The following PSMB7 variants were observed in gnomAD, a reference collection of about 807,000 sequenced individuals.
PSMB7 encodes the protein proteasome subunit beta type-7.
PSMB7 carries 5 observed loss-of-function variants against 28.1 expected under a neutral mutation model. The ratio of observed to expected loss-of-function variants is 0.18; its 90% CI spans 0.09 to 0.37. The LOEUF is 0.37. Ranked by LOEUF, PSMB7 falls within the 10% of genes least tolerant of loss-of-function variation. The pLI, the probability that PSMB7 is intolerant of heterozygous loss-of-function variation, is 1.00. For synonymous variants in PSMB7, 122 were observed against 123.7 expected (o/e 0.99, Z 0.09); for missense variants, 275 against 346.2 (o/e 0.79, Z 1.63).
At chr9:124,412,326 T>C (rs1333084156) in intron 4 of PSMB7, 26 bp downstream of exon 4, 3 of 1,609,716 alleles carry the variant, frequency 1.9e-6, no homozygotes, top group Non-Finnish European at 2.6e-6. Flanking sequence ...AAGATACTAG[T>C]AGGAATCCCC....
At chr9:124,406,043 C>T (rs1830959113) in intron 4 of PSMB7, among the ~76,000 whole-genome samples, 1 of 152,136 alleles carries the variant, frequency 6.6e-6, no homozygotes, top group Admixed American at 6.5e-5. Flanking sequence ...AAAAAACCAA[C>T]CCAGAGACAT....
chr9:124,406,919 C>T (rs1225749714), intron 4 of PSMB7, among the ~76,000 whole-genome samples: 2 of 151,478 alleles, frequency 1.3e-5, no homozygotes, highest in Non-Finnish European at 2.9e-5. Context: ...CCTGGGTGGC[C>T]GAGGTTGCAC....
chr9:124,379,290 A>G (rs1191951853), intron 6 of PSMB7, among the ~76,000 whole-genome samples: 1 of 152,222 alleles, frequency 6.6e-6, no homozygotes, highest in Admixed American at 6.5e-5. Flanking sequence ...ATCACTAAGT[A>G]AAGTTGTGTT....
At chr9:124,384,117 C>T (rs188745091) in intron 6 of PSMB7, 152 of 153,838 alleles carry the variant, frequency 9.9e-4, no homozygotes, top group Admixed American at 1.6e-3. Context: ...TGAGATGAAT[C>T]CCCCACATGT....
intron 2 of PSMB7, 56 bp downstream of exon 2, chr9:124,414,786 G>A (rs1831069017): frequency 6.9e-7 from 1 of 1,456,566 alleles, no homozygotes; most frequent in South Asian, 1.2e-5. Context: ...GAAGCCAAGT[G>A]TTCTGATTCC....
Position 124,387,023 on chromosome 9 carries a change from G to A in PSMB7, c.512-2367C>T, listed in dbSNP as rs538189691. Reference sequence around the variant, plus strand: ...GAACTTTGGGAGGCCGAGGTGGGCGGATCACAAGGTGAGGAGATTGAGACC... The same window carrying A: ...GAACTTTGGGAGGCCGAGGTGGGCGAATCACAAGGTGAGGAGATTGAGACC... On this transcript the variant is annotated intron_variant, in intron 5 of 7. Coordinates refer to ENST00000259457, the MANE Select transcript of PSMB7 (RefSeq NM_002799.4). 5.3e-5 allele frequency among the ~76,000 whole-genome samples: 8 copies of A among 152,264 alleles called. No homozygotes were observed. The South Asian group carries it at 1.7e-3, about 32-fold the overall frequency.
chr9:124,389,043 C>CT (rs559867964), intron 5 of PSMB7, among the ~76,000 whole-genome samples: 2 of 152,306 alleles, frequency 1.3e-5, no homozygotes, highest in South Asian at 4.1e-4. Context: ...AAAAAAAACT[C>CT]TAAGCTGCCC....
At position 124,356,745 on chromosome 9, in the gene PSMB7, C is replaced by T. The variant is rs1212067872; in HGVS notation, c.722+19G>A. 6.2e-7 allele frequency: 1 copy of T among 1,603,454 alleles called. No individual in the cohort carries two copies. Among genetic ancestry groups the T allele is most frequent in the Admixed American group, 1.7e-5 (1 of 59,106 alleles). On this transcript the variant is annotated intron_variant, in intron 7 of 7. Transcript: ENST00000259457. This position sits in a 1 kb window ranked among gnomAD's most constrained non-coding sequence, Gnocchi z 4.4. ...ACGACGCCAGGGGACCCAGGAAGAA[C>T]TTCGTCTCCTTCACTCACCTGGTCC...
At chr9:124,373,157 T>C (rs1336690486) in intron 6 of PSMB7, among the ~76,000 whole-genome samples, 1 of 152,202 alleles carries the variant, frequency 6.6e-6, no homozygotes, top group Non-Finnish European at 1.5e-5. Flanking sequence ...TCATCATCTA[T>C]TCTAAAGACA....
At chr9:124,353,746 C>G (rs530282127) in intron 7 of PSMB7, 37 bp from the exon 8 acceptor site, 1 of 1,470,502 alleles carries the variant, frequency 6.8e-7, no homozygotes, top group African/African-American at 1.4e-5. Flanking sequence ...AGTTAGGATT[C>G]TCCTCAAGGT....
intron 6 of PSMB7, among the ~76,000 whole-genome samples, chr9:124,376,180 T>C (rs1183692491): frequency 1.3e-5 from 2 of 152,152 alleles, no homozygotes; most frequent in East Asian, 3.8e-4. Flanking sequence ...AAGTTATTCA[T>C]GATTCACCTC....
chr9:124,365,346 G>A (rs1188040385), intron 6 of PSMB7, among the ~76,000 whole-genome samples: 2 of 152,222 alleles, frequency 1.3e-5, no homozygotes, highest in South Asian at 4.1e-4. Context: ...TGGAGACTGG[G>A]CAGGGTCTTG....
intron 5 of PSMB7, among the ~76,000 whole-genome samples, chr9:124,391,637 G>C (rs929614682): frequency 1.3e-4 from 11 of 83,492 alleles, no homozygotes; most frequent in African/African-American, 4.8e-4. Context: ...TTTTAAAATA[G>C]TCTCATTCAA....
At chr9:124,400,126 C>A (rs1190330019) in intron 5 of PSMB7, among the ~76,000 whole-genome samples, 1 of 152,200 alleles carries the variant, frequency 6.6e-6, no homozygotes, top group Non-Finnish European at 1.5e-5. Context: ...ACTGCTCCTG[C>A]CGCACCCATG....
intron 6 of PSMB7, among the ~76,000 whole-genome samples, chr9:124,359,492 T>C (rs1287336256): frequency 6.6e-6 from 1 of 152,232 alleles, no homozygotes; most frequent in Non-Finnish European, 1.5e-5. Context: ...TCAGAAACTC[T>C]GGCTGACGGT....
rs780610254 is a variant in PSMB7, at chr9:124,415,353, C to A, written c.62+11G>T. 45 of 1,613,662 alleles carry A rather than the reference C, an allele frequency of 2.8e-5. No homozygotes were observed. The South Asian group carries it at 4.6e-4, about 17-fold the overall frequency. On this transcript the variant is annotated intron_variant, in intron 1 of 7. Coordinates refer to ENST00000259457, the MANE Select transcript of PSMB7 (RefSeq NM_002799.4). ...CTCCCTCCCTGAACCAAGCCCCAAG[C>A]AAGGCGGCACCTGCGGCAGTTATCA... is the stretch of plus-strand genomic sequence containing the variant.
chr9:124,411,941 T>C (rs924517311), intron 4 of PSMB7, among the ~76,000 whole-genome samples: 1 of 152,124 alleles, frequency 6.6e-6, no homozygotes, highest in Admixed American at 6.5e-5. Flanking sequence ...TCACTTTTCA[T>C]TCACTGTTAT....
intron 6 of PSMB7, among the ~76,000 whole-genome samples, chr9:124,379,760 C>A (rs1285636988): frequency 1.3e-5 from 2 of 152,196 alleles, no homozygotes; most frequent in Non-Finnish European, 2.9e-5. Flanking sequence ...TGACTCTGTG[C>A]CCCAATACTG....
intron 5 of PSMB7, among the ~76,000 whole-genome samples, chr9:124,393,069 T>C (rs1457540030): frequency 6.6e-6 from 1 of 152,182 alleles, no homozygotes; most frequent in Non-Finnish European, 1.5e-5. Flanking sequence ...TTTCACTCCA[T>C]TCCTGCCTCC....
Sources: allele counts gnomAD v4.1 joint callset (sites outside exome capture counted in the v4.1 genomes callset), GRCh38; gene constraint gnomAD v4.1.1; non-coding constraint Gnocchi (gnomAD v3.1); transcripts MANE v1.5; gene names NCBI Gene and HGNC (gene_info 2026-07-23, HGNC 2026-07-21).